Variants in CXCL13 observed in about 807,000 individuals in gnomAD.
CXCL13 encodes C-X-C motif chemokine 13.
Under a neutral mutation model 12.2 loss-of-function variants are expected in CXCL13, and 7 were observed. The ratio of observed to expected loss-of-function variants is 0.57; its 90% CI spans 0.33 to 1.07. The LOEUF is 1.07. Among genes scored for constraint, CXCL13 ranks in the 50% least tolerant of loss-of-function variants. The probability of loss-of-function intolerance (pLI) is 0.04; values close to 1 mark genes in which losing one functional copy is unlikely to be tolerated. For synonymous variants in CXCL13, 47 were observed against 42.4 expected (o/e 1.11, Z -0.42); for missense variants, 113 against 127.4 (o/e 0.89, Z 0.55).
At chr4:77,562,391 G>A (rs1231966580) in intron 1 of CXCL13, among the ~76,000 whole-genome samples, 2 of 152,008 alleles carry the variant, frequency 1.3e-5, no homozygotes, top group Non-Finnish European at 2.9e-5. Flanking sequence ...ACCAGGTGAA[G>A]CCAGCTGGGC....
intron 1 of CXCL13, among the ~76,000 whole-genome samples, chr4:77,515,033 A>G (rs1724379710): frequency 6.6e-6 from 1 of 152,088 alleles, no homozygotes; most frequent in Non-Finnish European, 1.5e-5. Context: ...ATGGCTAGCC[A>G]GTTTTCCCAG....
chr4:77,551,791 C>T (rs568557286), intron 1 of CXCL13, among the ~76,000 whole-genome samples: 8 of 151,998 alleles, frequency 5.3e-5, no homozygotes, highest in Non-Finnish European at 7.4e-5. Context: ...TTTTTAAATT[C>T]TTTTTTCTGT....
At chr4:77,602,311 C>A (rs1726898505), upstream of CXCL13, among the ~76,000 whole-genome samples, 1 of 152,114 alleles carries the variant, frequency 6.6e-6, no homozygotes, top group African/African-American at 2.4e-5. Flanking sequence ...TGTGTCCTGT[C>A]CACTTTTACT....
intron 1 of CXCL13, among the ~76,000 whole-genome samples, chr4:77,550,748 A>G (rs998661062): frequency 2.0e-5 from 3 of 152,096 alleles, no homozygotes; most frequent in African/African-American, 7.2e-5. Context: ...GTCTATGTCT[A>G]AGTCTTTTCA....
chr4:77,583,841 G>T (rs949728968), intron 1 of CXCL13, among the ~76,000 whole-genome samples: 2 of 152,172 alleles, frequency 1.3e-5, no homozygotes, highest in Non-Finnish European at 2.9e-5. Flanking sequence ...CTCTTCATGG[G>T]CTAGGTGAGT....
chr4:77,572,491 C>T lies in CXCL13; in HGVS notation c.-42-33333C>T, dbSNP rs577677621. Among the ~76,000 whole-genome samples the T allele has an allele frequency of 1.0e-3, 157 of 151,826 alleles. 5 individuals are homozygous for T. Among genetic ancestry groups the T allele is most frequent in the African/African-American group, 3.6e-3 (148 of 41,226 alleles). ...GTCAACAATCGTATGAAAAAAAGCT[C>T]AACATCACTGATCATTAGAGAACTG... is the stretch of plus-strand genomic sequence containing the variant. On this transcript the variant is annotated intron_variant, in intron 1 of 4. Transcript: ENST00000286758.
chr4:77,563,873 A>G lies in CXCL13; in HGVS notation c.-42-41951A>G, dbSNP rs150107699. 8.6e-4 allele frequency among the ~76,000 whole-genome samples: 131 copies of G among 152,292 alleles called. 4 individuals are homozygous for G. The South Asian group carries it at 0.011, about 12-fold the overall frequency. On this transcript the variant is annotated intron_variant, in intron 1 of 4. Transcript: ENST00000286758. ...CATACTTTCTATGCCTCAAATCTTCATGTATAAAAGTGAGGGAAAACTCGT... is the reference window on the plus strand; with the variant it reads ...CATACTTTCTATGCCTCAAATCTTCGTGTATAAAAGTGAGGGAAAACTCGT...
chr4:77,569,948 T>C (rs767773224), intron 1 of CXCL13, among the ~76,000 whole-genome samples: 1 of 152,090 alleles, frequency 6.6e-6, no homozygotes, highest in African/African-American at 2.4e-5. Context: ...TGGAACAGAA[T>C]AGAGAAGCAA....
chr4:77,564,141 C>A, intron 1 of CXCL13, among the ~76,000 whole-genome samples: 1 of 152,090 alleles, frequency 6.6e-6, no homozygotes, highest in East Asian at 1.9e-4. Context: ...CTTTGAAGTA[C>A]GAATTTTCAT....
chr4:77,591,960 A>G (rs1726623192), intron 1 of CXCL13, among the ~76,000 whole-genome samples: 1 of 152,238 alleles, frequency 6.6e-6, no homozygotes, highest in Non-Finnish European at 1.5e-5. Flanking sequence ...AAAGGGAATA[A>G]TGTCTGTCTA....
upstream of CXCL13, among the ~76,000 whole-genome samples, chr4:77,600,934 T>C (rs1726867662): frequency 1.3e-5 from 2 of 152,244 alleles, no homozygotes; most frequent in African/African-American, 4.8e-5. Flanking sequence ...AAGCAATAAG[T>C]CAAATCAAAT....
At chr4:77,574,270 C>T (rs1726157364) in intron 1 of CXCL13, among the ~76,000 whole-genome samples, 1 of 151,834 alleles carries the variant, frequency 6.6e-6, no homozygotes, top group South Asian at 2.1e-4. Context: ...ATTATAATTT[C>T]TGACAGCCTA....
chr4:77,562,192 C>T (rs986023339), intron 1 of CXCL13, among the ~76,000 whole-genome samples: 1 of 130,586 alleles, frequency 7.7e-6, no homozygotes, highest in Non-Finnish European at 1.6e-5. Context: ...ATCACTGCAG[C>T]CCCCCGCCCC....
rs528910514 is a variant in CXCL13, at chr4:77,545,737, A to G, written c.-43+33949A>G. 1.1e-4 allele frequency among the ~76,000 whole-genome samples: 16 copies of G among 152,242 alleles called. No homozygotes were observed. In the East Asian group the frequency reaches 2.9e-3, roughly 28 times the overall value. The stretch of plus-strand genomic sequence containing the variant: ...CTCTTTTCCTAATTGAATACCCTTT[A>G]TTTCTTTCTCCTGCCTGATTGCCCT... On this transcript the variant is annotated intron_variant, in intron 1 of 4. Coordinates refer to the CXCL13 transcript ENST00000286758.
intron 1 of CXCL13, among the ~76,000 whole-genome samples, chr4:77,598,871 G>T (rs541674378): frequency 1.3e-5 from 2 of 151,662 alleles, no homozygotes; most frequent in Non-Finnish European, 2.9e-5. Flanking sequence ...ACAATGGCAT[G>T]ATCTCGGCTC....
intron 1 of CXCL13, among the ~76,000 whole-genome samples, chr4:77,572,712 G>A (rs1726117538): frequency 6.6e-6 from 1 of 151,912 alleles, no homozygotes; most frequent in Non-Finnish European, 1.5e-5. Context: ...GATACCATTT[G>A]ACCCAGCAAT....
chr4:77,520,864 G>T (rs1006506280), intron 1 of CXCL13, among the ~76,000 whole-genome samples: 3 of 152,102 alleles, frequency 2.0e-5, no homozygotes, highest in Non-Finnish European at 4.4e-5. Flanking sequence ...GTCATAAATA[G>T]CTCTTATTAT....
Position 77,598,679 on chromosome 4 carries a change from C to T in CXCL13, c.-42-7145C>T, listed in dbSNP as rs185502690. 3.2e-3 allele frequency among the ~76,000 whole-genome samples: 492 copies of T among 152,228 alleles called. 1 individual carries two copies. The highest frequency in any genetic ancestry group is 5.3e-3 in the Non-Finnish European group (363 of 68,002). ...AATATAGTAGAGTGGCAGGTTATTG[C>T]GGAAAACTTTTCTTCGTTATACACT... On this transcript the variant is annotated intron_variant, in intron 1 of 4. Transcript: ENST00000286758.
chr4:77,537,932 A>C (rs1361465562), intron 1 of CXCL13, among the ~76,000 whole-genome samples: 2 of 152,184 alleles, frequency 1.3e-5, no homozygotes, highest in Non-Finnish European at 2.9e-5. Context: ...GCTTCAGAAA[A>C]GGGTATCTTT....
Sources: allele counts gnomAD v4.1 joint callset (sites outside exome capture counted in the v4.1 genomes callset), GRCh38; gene constraint gnomAD v4.1.1; transcripts MANE v1.5; gene names NCBI Gene and HGNC (gene_info 2026-07-23, HGNC 2026-07-21).